PVALEF: variants seen among roughly 807,000 people sequenced by gnomAD.
PVALEF encodes the protein parvalbumin like EF-hand containing, also known as parvalbumin-like EF-hand-containing protein.
PVALEF carries 2 observed loss-of-function variants against 1.2 expected under a neutral mutation model. That is an observed-to-expected ratio of 1.68 (90% CI 0.69 to 5.28). The LOEUF (loss-of-function observed/expected upper bound fraction) is 5.28, where lower values mean the gene tolerates loss of function less well. PVALEF is among the 30% of genes most tolerant of loss of function. The pLI is 0.06. For missense variants in PVALEF, 35 were observed against 17.7 expected (o/e 1.97, Z -1.75); for synonymous variants, 16 against 6.5 (o/e 2.47, Z -2.24).
chr17:81,178,794 T>A (rs2061543843), intron 2 of PVALEF, 124 bp from the exon 3 acceptor site: 1 of 189,300 alleles, frequency 5.3e-6, no homozygotes. Context: ...TCCAGCACCA[T>A]GACCTTGGGC....
chr17:81,171,514 T>C (rs1397163864), intron 2 of PVALEF, among the ~76,000 whole-genome samples: 1 of 152,134 alleles, frequency 6.6e-6, no homozygotes, highest in African/African-American at 2.4e-5. Flanking sequence ...TTTTTTGAGA[T>C]GGAGTCTCAC....
chr17:81,168,536 C>T (rs887550014), intron 2 of PVALEF, among the ~76,000 whole-genome samples: 4 of 152,188 alleles, frequency 2.6e-5, no homozygotes, highest in African/African-American at 9.7e-5. Flanking sequence ...TGGCTTTTGC[C>T]CACGCTGGGA....
chr17:81,166,564 G>A (rs2061494776), intron 1 of PVALEF, 113 bp from the exon 2 acceptor site: 3 of 367,458 alleles, frequency 8.2e-6, no homozygotes, highest in Non-Finnish European at 1.6e-5. Flanking sequence ...AGGGAACGCC[G>A]GGGTGGGGGA....
At position 81,179,074 on chromosome 17, in the gene PVALEF, A is replaced by T. The variant is rs1238879452; in HGVS notation, c.-183A>T. 2.2e-6 allele frequency: 1 copy of T among 454,392 alleles called. No individual in the cohort carries two copies. Among genetic ancestry groups the T allele is most frequent in the Non-Finnish European group, 4.4e-6 (1 of 225,074 alleles). The allele number at this position is 454,392 out of a possible 1,614,324, so 28.1% of individuals were successfully genotyped here. A position where few individuals can be genotyped will look rare whatever the true frequency, so the allele number is the denominator to read the frequency against. ...CCGAGATGTAAACAGGCTTGCAGGTATAAAAGCTGGAGCCCCTGGGCCTCT... is the reference window on the plus strand; with the variant it reads ...CCGAGATGTAAACAGGCTTGCAGGTTTAAAAGCTGGAGCCCCTGGGCCTCT... On this transcript the variant is annotated 5_prime_UTR_variant, in exon 3 of 7. Coordinates refer to ENST00000637878, the MANE Select transcript of PVALEF (RefSeq NM_001354639.2).
At chr17:81,169,952 G>A (rs2061513433) in intron 2 of PVALEF, among the ~76,000 whole-genome samples, 1 of 151,608 alleles carries the variant, frequency 6.6e-6, no homozygotes, top group East Asian at 1.9e-4. Context: ...GTGTAGGCAC[G>A]TGTGTCGGTG....
At position 81,174,331 on chromosome 17, in the gene PVALEF, G is replaced by A. The variant is rs190615486; in HGVS notation, c.-339-4587G>A. Among the ~76,000 whole-genome samples, 18 of 152,294 alleles carry A rather than the reference G, an allele frequency of 1.2e-4. No individual in the cohort carries two copies. In the East Asian group the frequency reaches 1.7e-3, roughly 15 times the overall value. On this transcript the variant is annotated intron_variant, in intron 2 of 6. Coordinates refer to ENST00000637878, the MANE Select transcript of PVALEF (RefSeq NM_001354639.2). ...AAAAGAAATAAAAGGTATTCACATTGGAAAGGAAAAAGTAAGGCTGGGTGC... is the reference window on the plus strand; with the variant it reads ...AAAAGAAATAAAAGGTATTCACATTAGAAAGGAAAAAGTAAGGCTGGGTGC...
intron 2 of PVALEF, among the ~76,000 whole-genome samples, chr17:81,169,770 GTGTC>G (rs2061512086): frequency 1.3e-5 from 2 of 151,782 alleles, no homozygotes; most frequent in African/African-American, 4.8e-5. Context: ...GTATGCATGT[GTGTC>G]TGTGCATATG....
chr17:81,181,602 C>G lies in PVALEF; in HGVS notation c.150C>G (p.Leu50=), dbSNP rs1396041911. The G allele has an allele frequency of 2.3e-5, 10 of 429,508 alleles. No homozygotes were observed. Among genetic ancestry groups the G allele is most frequent in the Non-Finnish European group, 4.1e-5 (10 of 245,956 alleles). 26.6% of individuals were successfully genotyped at this position (429,508 alleles called of 1,614,324 possible). The change falls in exon 5 of 7, where the codon CTC becomes CTG. Residue 50 remains leucine (L), a synonymous_variant. Coordinates refer to ENST00000637878, the MANE Select transcript of PVALEF (RefSeq NM_001354639.2). ...AGTTCTTCAAGCACATCCGCAAGCT[C>G]CACGCCTCGGGCCAGCTGGACGACG... ...YLKFFKHIRK[L]HASGQLDDAI...
At chr17:81,170,221 G>A (rs2061515911) in intron 2 of PVALEF, among the ~76,000 whole-genome samples, 1 of 151,762 alleles carries the variant, frequency 6.6e-6, no homozygotes. Context: ...GTGTTGGTAT[G>A]TGTGCATGTA....
At position 81,181,649 on chromosome 17, in the gene PVALEF, C is replaced by T; in HGVS notation, c.197C>T (p.Ser66Phe). The stretch of plus-strand genomic sequence containing the variant: ...GACGCCATCCACACGGCCTTCCAGT[C>T]CCTGGACAAGGACAAGAGTGGCTTC... Reference protein sequence around the residue: ...LDDAIHTAFQSLDKDKSGFIE... With the variant: ...LDDAIHTAFQFLDKDKSGFIE... The change falls in exon 5 of 7, where the codon TCC (serine) becomes TTC (phenylalanine). Residue 66 changes from serine to phenylalanine, a missense_variant. Coordinates refer to ENST00000637878, the MANE Select transcript of PVALEF (RefSeq NM_001354639.2). The T allele has an allele frequency of 2.4e-6, 1 of 412,202 alleles. No homozygotes were observed. Among genetic ancestry groups the T allele is most frequent in the Non-Finnish European group, 4.3e-6 (1 of 235,174 alleles). 25.5% of individuals were successfully genotyped at this position (412,202 alleles called of 1,614,324 possible). A position where few individuals can be genotyped will look rare whatever the true frequency, so the allele number is the denominator to read the frequency against.
rs1355928912 is a variant in PVALEF at position 81,165,718 on chromosome 17, C to T, written c.-537C>T. The T allele has an allele frequency of 2.6e-6, 4 of 1,521,504 alleles. No homozygotes were observed. The highest frequency in any genetic ancestry group is 3.5e-6 in the Non-Finnish European group (4 of 1,136,894). The allele number at this position is 1,521,504 out of a possible 1,614,324, so 94.3% of individuals were successfully genotyped here. The stretch of plus-strand genomic sequence containing the variant: ...AGGCAGCCACGGAGTCACGACCACG[C>T]GGGGGACGCCAGCCCACAGGCGGAG... On this transcript the variant is annotated 5_prime_UTR_variant, in exon 1 of 7. Transcript: ENST00000637878.
intron 2 of PVALEF, among the ~76,000 whole-genome samples, chr17:81,167,230 C>T (rs915879607): frequency 7.2e-5 from 11 of 152,208 alleles, no homozygotes; most frequent in Admixed American, 4.6e-4. Context: ...GAGTTAGAGG[C>T]CGCAGTGAGC....
chr17:81,179,258 C>T, intron 3 of PVALEF, 106 bp downstream of exon 3: 1 of 227,760 alleles, frequency 4.4e-6, no homozygotes, highest in Non-Finnish European at 9.2e-6. Flanking sequence ...ACAAGGGTGG[C>T]CCTGGGAGAC....
intron 1 of PVALEF, 172 bp downstream of exon 1, chr17:81,165,919 C>CGCCA (rs2146436588): frequency 6.4e-7 from 1 of 1,570,812 alleles, no homozygotes; most frequent in South Asian, 1.2e-5. Flanking sequence ...GCGCGCAGGC[C>CGCCA]GGGCCGCCAG....
intron 2 of PVALEF, among the ~76,000 whole-genome samples, chr17:81,173,272 T>C (rs1506683): frequency 0.86 from 130,273 of 152,192 alleles, 55,962 homozygotes; most frequent in East Asian, 0.99. Flanking sequence ...CAGTGACCCA[T>C]GGACAGACAG....
rs993774289 is a variant in PVALEF, at chr17:81,169,750, CTA to C, written c.-340+2908_-340+2909del. Among the ~76,000 whole-genome samples, 11 of 142,404 alleles carry C rather than the reference CTA, an allele frequency of 7.7e-5. No homozygotes were observed. The South Asian group carries it at 9.0e-4, about 12-fold the overall frequency. The allele number at this position is 142,404 out of a possible 152,430, so 93.4% of individuals were successfully genotyped here. On this transcript the variant is annotated intron_variant, in intron 2 of 6. Transcript: ENST00000637878. Reference sequence around the variant, plus strand: ...GTCGTGTGCGTGTGTGTGTACGTGTCTATGTGTGTGTATGCATGTGTGTCTGT... The same window carrying C: ...GTCGTGTGCGTGTGTGTGTACGTGTCTGTGTGTGTATGCATGTGTGTCTGT...
intron 2 of PVALEF, among the ~76,000 whole-genome samples, chr17:81,169,347 C>A (rs1439049189): frequency 6.9e-6 from 1 of 145,192 alleles, no homozygotes; most frequent in East Asian, 2.0e-4. Flanking sequence ...CGCCTGTAAT[C>A]CCAGCACTTT....
intron 2 of PVALEF, 127 bp downstream of exon 2, chr17:81,166,971 C>G: frequency 3.2e-6 from 1 of 309,854 alleles, no homozygotes; most frequent in South Asian, 2.4e-5. Context: ...GTCCCCCCAG[C>G]CTGCCCCCGT....
In PVALEF at chr17:81,171,134, G is replaced by A. The variant is rs2061519038; in HGVS notation, c.-340+4290G>A. Among the ~76,000 whole-genome samples, 2 of 152,254 alleles carry A rather than the reference G, an allele frequency of 1.3e-5. 1 individual carries two copies. Among genetic ancestry groups the A allele is most frequent in the Non-Finnish European group, 2.9e-5 (2 of 68,048 alleles). On this transcript the variant is annotated intron_variant, in intron 2 of 6. Transcript: ENST00000637878. ...ACAAGGGGCATAATACTGTCATCCA[G>A]AGCTATGAAGTGGTCCTTGTGGCCC...
Sources: allele counts gnomAD v4.1 joint callset (sites outside exome capture counted in the v4.1 genomes callset), GRCh38; gene constraint gnomAD v4.1.1; transcripts MANE v1.5; gene names NCBI Gene and HGNC (gene_info 2026-07-23, HGNC 2026-07-21).